TPRG1: variants seen among roughly 807,000 people sequenced by gnomAD.
TPRG1 encodes the protein tumor protein p63-regulated gene 1 protein.
TPRG1 carries 29 observed loss-of-function variants against 29.3 expected under a neutral mutation model. The observed-to-expected ratio is 0.99, with a 90% CI of 0.74 to 1.35. The LOEUF (loss-of-function observed/expected upper bound fraction) is 1.35, where lower values mean the gene tolerates loss of function less well. Ranked by LOEUF, TPRG1 falls within the 40% of genes most tolerant of loss-of-function variation. The pLI, the probability that TPRG1 is intolerant of heterozygous loss-of-function variation, is 0.00. For missense variants in TPRG1, 327 were observed against 335.0 expected, an observed-to-expected ratio of 0.98 and a Z score of 0.19; for synonymous variants, 130 against 116.8, an observed-to-expected ratio of 1.11 and a Z score of -0.73.
chr3:189,318,363 C>T (rs1403906146), intron 5 of TPRG1, among the ~76,000 whole-genome samples: 1 of 152,012 alleles, frequency 6.6e-6, no homozygotes, highest in Non-Finnish European at 1.5e-5. Context: ...GTATAGGAAA[C>T]ACATAAGAGA....
intron 1 of TPRG1, among the ~76,000 whole-genome samples, chr3:189,109,448 G>A (rs1720241259): frequency 6.6e-6 from 1 of 152,188 alleles, no homozygotes; most frequent in Non-Finnish European, 1.5e-5. Flanking sequence ...CTGATCCCTG[G>A]CAACCTCTGC....
At chr3:189,204,972 C>CACACACACACACACACACAT (rs1734100221) in intron 1 of TPRG1, among the ~76,000 whole-genome samples, 1 of 151,868 alleles carries the variant, frequency 6.6e-6, no homozygotes, top group Non-Finnish European at 1.5e-5. Flanking sequence ...CACACACACA[C>CACACACACACACACACACAT]ACACATACAC....
chr3:189,096,275 C>T (rs1167850933), upstream of TPRG1, among the ~76,000 whole-genome samples: 1 of 152,158 alleles, frequency 6.6e-6, no homozygotes, highest in African/African-American at 2.4e-5. Flanking sequence ...ACTGTCTTTT[C>T]TTTGGTTTTG....
intron 4 of TPRG1, among the ~76,000 whole-genome samples, chr3:189,275,964 T>C (rs1193395577): frequency 6.6e-6 from 1 of 152,142 alleles, no homozygotes; most frequent in Non-Finnish European, 1.5e-5. Flanking sequence ...AGGGATATCT[T>C]GTTCAGACAC....
At chr3:189,146,943 G>A (rs12490118) in intron 3 of TPRG1, among the ~76,000 whole-genome samples, 47,579 of 152,130 alleles carry the variant, frequency 0.31, 7,865 homozygotes, top group Admixed American at 0.44. Flanking sequence ...CACAGGTACT[G>A]CACTAAACAC....
At chr3:189,280,797 AT>A (rs1436588604) in intron 4 of TPRG1, among the ~76,000 whole-genome samples, 1 of 152,228 alleles carries the variant, frequency 6.6e-6, no homozygotes, top group African/African-American at 2.4e-5. Flanking sequence ...TACTATCTGC[AT>A]CATAGCGTTG....
chr3:189,119,077 CA>C (rs1391678487), intron 1 of TPRG1, among the ~76,000 whole-genome samples: 2 of 152,354 alleles, frequency 1.3e-5, no homozygotes, highest in East Asian at 3.9e-4. Context: ...TTGAGCTTTG[CA>C]AAGCCACAGG....
intron 3 of TPRG1, among the ~76,000 whole-genome samples, chr3:189,226,619 G>C (rs1737755271): frequency 6.6e-6 from 1 of 151,138 alleles, no homozygotes; most frequent in Admixed American, 6.6e-5. Flanking sequence ...CAAGGAACTA[G>C]AAAAAGAAGA....
Position 189,319,908 on chromosome 3 carries a change from C to G in TPRG1, c.634-718C>G, listed in dbSNP as rs1577061439. On this transcript the variant is annotated intron_variant, in intron 5 of 5. Transcript: ENST00000345063. ...GCCTCCCTTACAGCTTTTGCAGGTG[C>G]TGTGTTTTCTGCTTGGAATTTCTTC... Among the ~76,000 whole-genome samples the G allele has an allele frequency of 4.6e-5, 7 of 152,110 alleles. No individual in the cohort carries two copies. The East Asian group carries it at 1.4e-3, about 29-fold the overall frequency.
chr3:189,145,091 C>T (rs1314720062), intron 3 of TPRG1, among the ~76,000 whole-genome samples: 3 of 152,004 alleles, frequency 2.0e-5, no homozygotes, highest in Non-Finnish European at 2.9e-5. Context: ...CGGCCGGGTG[C>T]GGTGGCTCAA....
At chr3:189,152,589 A>G (rs912857228) in intron 5 of TPRG1, among the ~76,000 whole-genome samples, 10 of 152,074 alleles carry the variant, frequency 6.6e-5, no homozygotes, top group African/African-American at 2.4e-4. Flanking sequence ...AGCCATTATT[A>G]TTAAAAAGTA....
intron 4 of TPRG1, among the ~76,000 whole-genome samples, chr3:189,275,213 T>A (rs1373306316): frequency 6.6e-6 from 1 of 152,114 alleles, no homozygotes; most frequent in African/African-American, 2.4e-5. Flanking sequence ...GTTATTTCAA[T>A]ACAGATCCAA....
intron 5 of TPRG1, among the ~76,000 whole-genome samples, chr3:189,159,125 G>T (rs1727104739): frequency 6.6e-6 from 1 of 151,968 alleles, no homozygotes; most frequent in Non-Finnish European, 1.5e-5. Flanking sequence ...GCTGCCCTGG[G>T]TTTGTGCCAT....
At chr3:189,315,503 C>A (rs6773831) in intron 5 of TPRG1, 1 of 452,840 alleles carries the variant, frequency 2.2e-6, no homozygotes, top group Non-Finnish European at 4.4e-6. Context: ...TATGCAGAGA[C>A]TACTGCTGGG....
rs916305990 is a variant in TPRG1 at position 189,022,914 on chromosome 3, G to A, written c.-659-836G>A. Reference sequence around the variant, plus strand: ...GGTAGGACCCTCCGAGCCAGGTGCCGGATATAATCTCATGGTGCGCAGTTT... The same window carrying A: ...GGTAGGACCCTCCGAGCCAGGTGCCAGATATAATCTCATGGTGCGCAGTTT... On this transcript the variant is annotated intron_variant, in intron 3 of 10. Transcript: ENST00000433971. Among the ~76,000 whole-genome samples, 3 of 152,220 alleles carry A rather than the reference G, an allele frequency of 2.0e-5. 1 individual carries two copies. The highest frequency in any genetic ancestry group is 4.1e-4 in the South Asian group (2 of 4,832).
chr3:189,206,834 C>T (rs574633548), intron 1 of TPRG1, among the ~76,000 whole-genome samples: 128 of 58,444 alleles, frequency 2.2e-3, no homozygotes, highest in South Asian at 3.3e-3. Flanking sequence ...TGTGTGCACG[C>T]GTGTATGCAT....
intron 4 of TPRG1, among the ~76,000 whole-genome samples, chr3:189,052,889 C>T (rs192256017): frequency 7.9e-4 from 120 of 152,136 alleles, no homozygotes; most frequent in Non-Finnish European, 1.1e-3. Flanking sequence ...GCTATGAGGA[C>T]GCAAAGCCAT....
intron 4 of TPRG1, among the ~76,000 whole-genome samples, chr3:189,273,566 A>G (rs963408659): frequency 2.0e-5 from 3 of 152,186 alleles, no homozygotes; most frequent in African/African-American, 7.2e-5. Context: ...AACATTGGAC[A>G]AGTTTAATTT....
chr3:189,016,118 C>A (rs1712920355), intron 3 of TPRG1, among the ~76,000 whole-genome samples: 1 of 152,080 alleles, frequency 6.6e-6, no homozygotes. Context: ...CCCTGTAGAG[C>A]CACAGGGGTC....
Sources: allele counts gnomAD v4.1 joint callset (sites outside exome capture counted in the v4.1 genomes callset), GRCh38; gene constraint gnomAD v4.1.1; transcripts MANE v1.5; gene names NCBI Gene and HGNC (gene_info 2026-07-23, HGNC 2026-07-21).